The following CNTN5 variants were observed in gnomAD, a reference collection of about 807,000 sequenced individuals.
The protein encoded by CNTN5 is contactin-5.
Under a neutral mutation model 129.1 loss-of-function variants are expected in CNTN5, and 77 were observed. That is an observed-to-expected ratio of 0.60 (90% CI 0.50 to 0.72). The LOEUF is 0.72. Among genes scored for constraint, CNTN5 ranks in the 30% least tolerant of loss-of-function variants. The pLI is 0.00. For synonymous variants in CNTN5, 509 were observed against 465.6 expected (o/e 1.09, Z -1.20); for missense variants, 1,478 against 1,328.8 (o/e 1.11, Z -1.75).
chr11:99,438,595 T>C lies in CNTN5; in HGVS notation c.-71+113111T>C, dbSNP rs191837787. On this transcript the variant is annotated intron_variant, in intron 2 of 24. Coordinates refer to ENST00000524871, the MANE Select transcript of CNTN5 (RefSeq NM_014361.4). Reference sequence around the variant, plus strand: ...ATATAACTTTTTCTAATTCATATCATTTATTTAATTTATAAATATATTTAT... The same window carrying C: ...ATATAACTTTTTCTAATTCATATCACTTATTTAATTTATAAATATATTTAT... Among the ~76,000 whole-genome samples the C allele has an allele frequency of 7.9e-5, 12 of 152,258 alleles. No homozygotes were observed. The East Asian group carries it at 2.3e-3, about 29-fold the overall frequency.
intron 3 of CNTN5, among the ~76,000 whole-genome samples, chr11:99,637,595 G>A (rs1312368998): frequency 6.6e-6 from 1 of 152,054 alleles, no homozygotes; most frequent in East Asian, 1.9e-4. Flanking sequence ...TTTTTAAGTA[G>A]TAGGAAATGG....
At chr11:99,044,353 T>A (rs1864119748) in intron 1 of CNTN5, among the ~76,000 whole-genome samples, 1 of 152,200 alleles carries the variant, frequency 6.6e-6, no homozygotes. Flanking sequence ...TTTATTTTGG[T>A]ACGAAAATGT....
chr11:100,109,831 T>G (rs1326555503), intron 13 of CNTN5, among the ~76,000 whole-genome samples: 1 of 152,208 alleles, frequency 6.6e-6, no homozygotes, highest in Non-Finnish European at 1.5e-5. Flanking sequence ...TTCTTATTTC[T>G]CCTTGGCTTT....
chr11:99,810,076 A>AC (rs1946385014), intron 3 of CNTN5, among the ~76,000 whole-genome samples: 1 of 152,254 alleles, frequency 6.6e-6, no homozygotes, highest in Admixed American at 6.5e-5. Flanking sequence ...GCATCATAAC[A>AC]CTATAGGTTT....
chr11:99,843,754 C>G (rs938982023), intron 4 of CNTN5, among the ~76,000 whole-genome samples: 2 of 152,004 alleles, frequency 1.3e-5, no homozygotes, highest in African/African-American at 4.8e-5. Context: ...AGGACAGCCC[C>G]GCCTCAACAG....
chr11:100,153,680 G>A (rs1479821699), intron 13 of CNTN5, among the ~76,000 whole-genome samples: 4 of 152,060 alleles, frequency 2.6e-5, no homozygotes, highest in Admixed American at 2.6e-4. Flanking sequence ...AAAGCCTTTC[G>A]CAAGAAAAAA....
At chr11:99,536,108 G>C (rs892777075) in intron 2 of CNTN5, among the ~76,000 whole-genome samples, 1 of 152,078 alleles carries the variant, frequency 6.6e-6, no homozygotes, top group African/African-American at 2.4e-5. Context: ...AATATTAACT[G>C]ATGAAACTGC....
At chr11:99,796,893 G>T (rs548599498) in intron 3 of CNTN5, among the ~76,000 whole-genome samples, 7 of 152,028 alleles carry the variant, frequency 4.6e-5, no homozygotes, top group Non-Finnish European at 8.8e-5. Flanking sequence ...TCTGGAGGTC[G>T]TGTGGTCTTC....
chr11:100,209,280 C>T (rs189066810), intron 15 of CNTN5, among the ~76,000 whole-genome samples: 1 of 152,042 alleles, frequency 6.6e-6, no homozygotes, highest in Admixed American at 6.5e-5. Context: ...TAGGAGATAG[C>T]CTTTCAAAAA....
At chr11:99,501,802 T>C (rs1406113180) in intron 2 of CNTN5, among the ~76,000 whole-genome samples, 1 of 152,256 alleles carries the variant, frequency 6.6e-6, no homozygotes, top group East Asian at 1.9e-4. Flanking sequence ...ACATTGCATA[T>C]GTCATTCACA....
intron 18 of CNTN5, among the ~76,000 whole-genome samples, chr11:100,282,546 G>C (rs574426553): frequency 2.6e-5 from 4 of 152,318 alleles, no homozygotes; most frequent in African/African-American, 7.2e-5. Flanking sequence ...AGCCAGTCCA[G>C]CAGTCGATCT....
At chr11:99,422,055 T>C (rs912414688) in intron 2 of CNTN5, among the ~76,000 whole-genome samples, 2 of 152,122 alleles carry the variant, frequency 1.3e-5, no homozygotes, top group African/African-American at 4.8e-5. Context: ...TGCCTTTTGA[T>C]TGAGGTCATC....
At chr11:100,279,499 G>A (rs371410135) in intron 18 of CNTN5, among the ~76,000 whole-genome samples, 2 of 151,206 alleles carry the variant, frequency 1.3e-5, no homozygotes, top group African/African-American at 4.9e-5. Context: ...ACACATTATC[G>A]ATCTGCTTAA....
At chr11:99,439,518 GC>G (rs1464441878) in intron 2 of CNTN5, among the ~76,000 whole-genome samples, 2 of 151,756 alleles carry the variant, frequency 1.3e-5, no homozygotes, top group Non-Finnish European at 2.9e-5. Flanking sequence ...CACCAGCCTG[GC>G]CAACATGGTG....
At chr11:99,169,365 A>G (rs1319649106) in intron 1 of CNTN5, among the ~76,000 whole-genome samples, 1 of 100,172 alleles carries the variant, frequency 1.0e-5, no homozygotes, top group Non-Finnish European at 2.2e-5. Flanking sequence ...GATATGCAAT[A>G]AGCTATATGT....
chr11:99,650,595 TAA>T lies in CNTN5; in HGVS notation c.55+94329_55+94330del, dbSNP rs147271090. Reference sequence around the variant, plus strand: ...CAAAAAGCAAGGCAACTTCCTGTGATAAAAGTTTTCTTAGTTAAAAGGAACAA... The same window carrying T: ...CAAAAAGCAAGGCAACTTCCTGTGATAAGTTTTCTTAGTTAAAAGGAACAA... On this transcript the variant is annotated intron_variant, in intron 3 of 24. Transcript: ENST00000524871. Among the ~76,000 whole-genome samples, 1,040 of 152,046 alleles carry T rather than the reference TAA, an allele frequency of 6.8e-3. 68 individuals are homozygous for T. The East Asian group carries it at 0.17, about 24-fold the overall frequency.
At chr11:99,670,847 G>T (rs772415137) in intron 3 of CNTN5, among the ~76,000 whole-genome samples, 10 of 152,070 alleles carry the variant, frequency 6.6e-5, no homozygotes, top group Non-Finnish European at 1.5e-4. Context: ...CTGTTTCCTC[G>T]TCTCTGAAGT....
chr11:99,622,880 A>T (rs1432962915), intron 3 of CNTN5, among the ~76,000 whole-genome samples: 3 of 152,032 alleles, frequency 2.0e-5, no homozygotes, highest in Non-Finnish European at 4.4e-5. Flanking sequence ...TTTTTCAAAA[A>T]ATTTTAATGG....
chr11:99,861,114 C>G lies in CNTN5; in HGVS notation c.577+15852C>G, dbSNP rs56980602. On this transcript the variant is annotated intron_variant, in intron 6 of 24. Coordinates refer to ENST00000524871, the MANE Select transcript of CNTN5 (RefSeq NM_014361.4). The stretch of plus-strand genomic sequence containing the variant: ...AGGACTACAGGCGCCAACCACCAAG[C>G]CTGGCTAATTTTTTTTGCATTTTTA... 7.3e-3 allele frequency among the ~76,000 whole-genome samples: 1,105 copies of G among 152,034 alleles called. 57 individuals carry two copies. In the East Asian group the frequency reaches 0.12, roughly 17 times the overall value.
Sources: allele counts gnomAD v4.1 joint callset (sites outside exome capture counted in the v4.1 genomes callset), GRCh38; gene constraint gnomAD v4.1.1; transcripts MANE v1.5; gene names NCBI Gene and HGNC (gene_info 2026-07-23, HGNC 2026-07-21).